Variants in ZNF532 observed in about 807,000 individuals in gnomAD.
The protein encoded by ZNF532 is zinc finger protein 532.
Under a neutral mutation model 89.3 loss-of-function variants are expected in ZNF532, and 22 were observed. The observed-to-expected ratio is 0.25, with a 90% confidence interval of 0.18 to 0.35. The LOEUF (loss-of-function observed/expected upper bound fraction) is 0.35, where lower values mean the gene tolerates loss of function less well. ZNF532 is among the 10% of genes least tolerant of loss of function. The pLI, the probability that ZNF532 is intolerant of heterozygous loss-of-function variation, is 1.00. For synonymous variants in ZNF532, 606 were observed against 649.6 expected (o/e 0.93, Z 1.02); for missense variants, 1,132 against 1,643.4 (o/e 0.69, Z 5.38).
intron 5 of ZNF532, among the ~76,000 whole-genome samples, chr18:58,943,538 C>T (rs1222504150): frequency 6.6e-6 from 1 of 151,774 alleles, no homozygotes; most frequent in Non-Finnish European, 1.5e-5. Flanking sequence ...TCTTGGCTCA[C>T]TGCAACCTCC....
At chr18:58,938,170 G>A (rs900630150) in intron 4 of ZNF532, among the ~76,000 whole-genome samples, 3 of 152,160 alleles carry the variant, frequency 2.0e-5, no homozygotes, top group East Asian at 1.9e-4. Context: ...ACTGCCCCCC[G>A]GAAACCAGGC....
chr18:58,920,422 G>A lies in ZNF532; in HGVS notation c.2135G>A (p.Gly712Asp). The part of the protein sequence containing the change: ...TSTLQSPVGA[G>D]THTVTKIQSG... ...ACTCTTCAGAGCCCTGTGGGAGCTGGCACACACACTGTCACAAAAATTCAG... is the reference window on the plus strand; with the variant it reads ...ACTCTTCAGAGCCCTGTGGGAGCTGACACACACACTGTCACAAAAATTCAG... Residue 712 changes from glycine (G) to aspartate (D), a missense_variant, in exon 3 of 10, where the codon GGC becomes GAC. Physicochemically the swap from Gly to Asp is moderately conservative, Grantham distance 94. Transcript: ENST00000591808. 6.2e-7 allele frequency: 1 copy of A among 1,613,846 alleles called. No homozygotes were observed. The highest frequency in any genetic ancestry group is 1.7e-5 in the Admixed American group (1 of 60,004).
In ZNF532 at chr18:58,984,201, C is replaced by T; in HGVS notation, c.3641C>T (p.Ser1214Phe). 3 of 1,611,934 alleles carry T rather than the reference C, an allele frequency of 1.9e-6. No homozygotes were observed. Among genetic ancestry groups the T allele is most frequent in the Non-Finnish European group, 2.5e-6 (3 of 1,179,850 alleles). The change falls in exon 10 of 10, where the codon TCT (serine) becomes TTT (phenylalanine). Residue 1214 changes from serine (S) to phenylalanine (F), a missense_variant. This residue lies in a region of ZNF532 where 415 missense variants were observed against 604.8 expected (regional missense o/e 0.69). Transcript: ENST00000591808. ...CGGGAGTGTGGCCTCTGCTACACGT[C>T]TCACGTCTCTCTGTCCAGGCACCTC... The part of the protein sequence containing the change: ...QCRECGLCYT[S>F]HVSLSRHLFI...
At chr18:58,960,028 T>A (rs1328656751) in intron 7 of ZNF532, among the ~76,000 whole-genome samples, 1 of 152,182 alleles carries the variant, frequency 6.6e-6, no homozygotes, top group African/African-American at 2.4e-5. Flanking sequence ...AACCTCCACC[T>A]CCCAGGTTCA....
chr18:58,894,960 A>G (rs886302811), intron 2 of ZNF532, among the ~76,000 whole-genome samples: 4 of 152,190 alleles, frequency 2.6e-5, no homozygotes, highest in Non-Finnish European at 5.9e-5. Flanking sequence ...TTGTCTCTGT[A>G]GTTTAGAAGA....
At position 58,948,246 on chromosome 18, in the gene ZNF532, C is replaced by A; in HGVS notation, c.2868+17C>A. The A allele has an allele frequency of 6.3e-7, 1 of 1,589,368 alleles. No homozygotes were observed. On this transcript the variant is annotated intron_variant, in intron 6 of 9. Transcript: ENST00000591808. ...CATATCAAGGTGTGTGTGCATCTAT[C>A]CTCTACTTTAAATGAATTGCAGATC...
chr18:58,942,195 T>G (rs2063172321), intron 5 of ZNF532, among the ~76,000 whole-genome samples: 2 of 151,684 alleles, frequency 1.3e-5, no homozygotes, highest in Non-Finnish European at 2.9e-5. Flanking sequence ...GCTAATTTTT[T>G]GTATTTTTAG....
intron 2 of ZNF532, among the ~76,000 whole-genome samples, chr18:58,875,917 A>T (rs2057383687): frequency 6.7e-6 from 1 of 149,088 alleles, no homozygotes. Context: ...TTTGCATACA[A>T]ATCACTTGGG....
chr18:58,980,976 T>C (rs3786266), intron 8 of ZNF532: 52,248 of 156,184 alleles, frequency 0.33, 9,094 homozygotes, highest in Middle Eastern at 0.55. Context: ...GCCTGCTTTA[T>C]TAAAATAAGT....
chr18:58,965,461 T>C (rs1015821504), intron 7 of ZNF532, among the ~76,000 whole-genome samples: 4 of 152,262 alleles, frequency 2.6e-5, no homozygotes, highest in African/African-American at 9.6e-5. Flanking sequence ...GAATGAAAGC[T>C]GACATTTCAA....
At chr18:58,871,012 A>T (rs1284189178) in intron 2 of ZNF532, among the ~76,000 whole-genome samples, 2 of 152,006 alleles carry the variant, frequency 1.3e-5, no homozygotes, top group Non-Finnish European at 2.9e-5. Context: ...AACAGAGAGG[A>T]TAGAAGAAAG....
At chr18:58,974,113 C>T (rs916855404) in intron 7 of ZNF532, among the ~76,000 whole-genome samples, 8 of 152,082 alleles carry the variant, frequency 5.3e-5, no homozygotes, top group Non-Finnish European at 1.2e-4. Flanking sequence ...AACTATATCT[C>T]AATAAGCTCA....
intron 2 of ZNF532, among the ~76,000 whole-genome samples, chr18:58,881,092 C>CCTTTTTCT (rs1249739752): frequency 1.3e-5 from 2 of 151,244 alleles, no homozygotes; most frequent in African/African-American, 4.8e-5. Flanking sequence ...TGTTTTGCTT[C>CCTTTTTCT]TTTTTTCTTT....
In ZNF532 at chr18:58,986,337, C is replaced by T. The variant is rs1301768065; in HGVS notation, c.*1871C>T. 6.6e-6 allele frequency: 1 copy of T among 152,550 alleles called. No homozygotes were observed. The highest frequency in any genetic ancestry group is 1.5e-5 in the Non-Finnish European group (1 of 68,030). 9.4% of individuals were successfully genotyped at this position (152,550 alleles called of 1,614,324 possible). A position where few individuals can be genotyped will look rare whatever the true frequency, so the allele number is the denominator to read the frequency against. ...GCTGAGCTCAGATTCAGTTCTTTGC[C>T]GAAGCCCTCATAGCTGGTAAGTGGC... is the stretch of plus-strand genomic sequence containing the variant. On this transcript the variant is annotated 3_prime_UTR_variant, in exon 10 of 10. Coordinates refer to ENST00000591808, the MANE Select transcript of ZNF532 (RefSeq NM_001375912.1).
intron 7 of ZNF532, among the ~76,000 whole-genome samples, chr18:58,962,199 C>T (rs896772965): frequency 1.3e-5 from 2 of 151,648 alleles, no homozygotes; most frequent in Non-Finnish European, 2.9e-5. Flanking sequence ...GCGCTCCAGC[C>T]TGGATGACAG....
chr18:58,878,523 T>G (rs557822585), intron 2 of ZNF532, among the ~76,000 whole-genome samples: 43 of 152,200 alleles, frequency 2.8e-4, no homozygotes, highest in Non-Finnish European at 5.0e-4. Flanking sequence ...GAAGACCATA[T>G]GAGCTACCAG....
At chr18:58,936,404 G>T (rs1318438190) in intron 4 of ZNF532, among the ~76,000 whole-genome samples, 1 of 152,198 alleles carries the variant, frequency 6.6e-6, no homozygotes, top group African/African-American at 2.4e-5. Context: ...TTTCTCAAAT[G>T]TTTAGTTTTT....
intron 3 of ZNF532, among the ~76,000 whole-genome samples, chr18:58,925,804 A>C (rs1327949295): frequency 6.6e-6 from 1 of 152,124 alleles, no homozygotes; most frequent in Non-Finnish European, 1.5e-5. Context: ...ATTTAGGTGG[A>C]GGGTCATTTT....
Position 58,918,892 on chromosome 18 carries a change from A to C in ZNF532, c.605A>C (p.Lys202Thr), listed in dbSNP as rs759015054. 1.4e-5 allele frequency: 22 copies of C among 1,614,058 alleles called. No individual in the cohort carries two copies. Among genetic ancestry groups the C allele is most frequent in the Non-Finnish European group, 8.5e-7 (1 of 1,180,056 alleles). The change falls in exon 3 of 10, where the codon AAG (lysine) becomes ACG (threonine). Residue 202 changes from lysine (K) to threonine (T), a missense_variant. By Grantham distance (78) the Lys-to-Thr change is moderately conservative (BLOSUM62 -1). This residue lies in a region of ZNF532 where 302 missense variants were observed against 319.8 expected (regional missense o/e 0.94). Transcript: ENST00000591808. ...AATGTGGAGAAAAACAAAGCTGTTA[A>C]GAGAGAAACAGAAGCCAGTTCTATA... ...SGNVEKNKAV[K>T]RETEASSINL...
Sources: gnomAD v4.1 joint callset for allele counts (sites outside exome capture counted in the v4.1 genomes callset) on GRCh38, gnomAD v4.1.1 for gene constraint, gnomAD v4.1.1 regional missense constraint, MANE v1.5 for transcripts, NCBI Gene and HGNC (gene_info 2026-07-23, HGNC 2026-07-21) for gene names.